Variants in PHACTR1 observed in about 807,000 individuals in gnomAD.
The protein encoded by PHACTR1 is phosphatase and actin regulator 1.
A neutral mutation model predicts 69.2 loss-of-function variants in PHACTR1; 16 were observed. That is an observed-to-expected ratio of 0.23 (90% confidence interval 0.16 to 0.35). The LOEUF (loss-of-function observed/expected upper bound fraction) is 0.35. Ranked by LOEUF, PHACTR1 falls within the 10% of genes least tolerant of loss-of-function variation. PHACTR1 has a pLI of 1.00. For missense variants in PHACTR1, 510 were observed against 734.7 expected, an observed-to-expected ratio of 0.69 and a Z score of 3.54; for synonymous variants, 312 against 284.5, an observed-to-expected ratio of 1.10 and a Z score of -0.97.
intron 4 of PHACTR1, among the ~76,000 whole-genome samples, chr6:12,955,613 G>A (rs1442113606): frequency 6.6e-6 from 1 of 152,098 alleles, no homozygotes; most frequent in African/African-American, 2.4e-5. Flanking sequence ...TCCCATTACT[G>A]ATGAATGTCT....
chr6:12,941,893 T>C (rs1419220348), intron 4 of PHACTR1, among the ~76,000 whole-genome samples: 1 of 152,108 alleles, frequency 6.6e-6, no homozygotes, highest in Non-Finnish European at 1.5e-5. Context: ...ACATCATGAG[T>C]GGACCTGAAT....
intron 5 of PHACTR1, among the ~76,000 whole-genome samples, chr6:13,132,186 G>A (rs1820572819): frequency 6.6e-6 from 1 of 152,206 alleles, no homozygotes; most frequent in South Asian, 2.1e-4. Flanking sequence ...CTCAGTGGGA[G>A]AACTGGTTGA....
At chr6:13,187,484 T>G (rs1158419732) in intron 7 of PHACTR1, among the ~76,000 whole-genome samples, 1 of 152,194 alleles carries the variant, frequency 6.6e-6, no homozygotes, top group African/African-American at 2.4e-5. Flanking sequence ...AGCTTCATTC[T>G]GAAGTATACT....
At chr6:13,139,974 TC>T (rs1163734091) in intron 5 of PHACTR1, among the ~76,000 whole-genome samples, 2 of 152,218 alleles carry the variant, frequency 1.3e-5, no homozygotes, top group African/African-American at 4.8e-5. Flanking sequence ...TATTATTGTT[TC>T]TGTGCTCTGA....
intron 4 of PHACTR1, among the ~76,000 whole-genome samples, chr6:13,025,399 G>C (rs1307619865): frequency 6.6e-6 from 1 of 152,202 alleles, no homozygotes. Context: ...ATAAAAGGGA[G>C]ATTGCTCTGG....
At chr6:12,989,484 C>T (rs577603167) in intron 4 of PHACTR1, among the ~76,000 whole-genome samples, 5 of 152,298 alleles carry the variant, frequency 3.3e-5, no homozygotes, top group Admixed American at 2.6e-4. Context: ...GGGTTTGTTG[C>T]TCATTCCAAT....
Position 13,206,120 on chromosome 6 carries a change from A to G in PHACTR1, c.970A>G (p.Met324Val). The change falls in exon 8 of 15, where the codon ATG becomes GTG. Residue 324 changes from methionine (M) to valine (V), a missense_variant. Around this residue, in one of 2 missense-constraint regions of PHACTR1, gnomAD observed 419 missense variants for 530.9 expected, o/e 0.79. Transcript: ENST00000332995. Reference protein sequence around the residue: ...DELNKTLAMTMQRLESSEQRV... With the variant: ...DELNKTLAMTVQRLESSEQRV... ...GCTCAACAAAACGCTGGCCATGACC[A>G]TGCAGAGGCTGGAAAGGTAAAGGTG... The G allele has an allele frequency of 1.9e-6, 3 of 1,599,726 alleles. No homozygotes were observed. The highest frequency in any genetic ancestry group is 2.2e-5 in the South Asian group (2 of 89,590).
intron 4 of PHACTR1, among the ~76,000 whole-genome samples, chr6:12,851,745 T>A (rs1290504026): frequency 6.6e-6 from 1 of 152,200 alleles, no homozygotes; most frequent in Non-Finnish European, 1.5e-5. Flanking sequence ...CAATCAGGCA[T>A]TGCTCTGCCG....
At chr6:12,896,968 A>G (rs1304531935) in intron 4 of PHACTR1, among the ~76,000 whole-genome samples, 1 of 152,170 alleles carries the variant, frequency 6.6e-6, no homozygotes, top group Non-Finnish European at 1.5e-5. Context: ...AGCTCCCAGT[A>G]TGCCTTCTTG....
intron 10 of PHACTR1, among the ~76,000 whole-genome samples, chr6:13,243,474 G>T (rs1166741617): frequency 6.6e-6 from 1 of 152,016 alleles, no homozygotes; most frequent in African/African-American, 2.4e-5. Context: ...TGATTTTACT[G>T]CAGGGAATAT....
At chr6:13,132,728 CTAA>C (rs1561875282) in intron 5 of PHACTR1, among the ~76,000 whole-genome samples, 77 of 148,424 alleles carry the variant, frequency 5.2e-4, no homozygotes, top group African/African-American at 1.8e-3. Context: ...TACCGTATTG[CTAA>C]AAAAAAAAAA....
At chr6:13,263,813 G>T (rs921842107) in intron 10 of PHACTR1, among the ~76,000 whole-genome samples, 1 of 152,200 alleles carries the variant, frequency 6.6e-6, no homozygotes, top group African/African-American at 2.4e-5. Flanking sequence ...TTGATTCTTG[G>T]AGTTAGCAGC....
chr6:12,930,623 G>A (rs936567600), intron 4 of PHACTR1, among the ~76,000 whole-genome samples: 2 of 152,212 alleles, frequency 1.3e-5, no homozygotes, highest in African/African-American at 2.4e-5. Context: ...GGTTGGAAGG[G>A]CTGGAAATAA....
chr6:12,967,247 T>C (rs1793613750), intron 4 of PHACTR1, among the ~76,000 whole-genome samples: 1 of 152,192 alleles, frequency 6.6e-6, no homozygotes, highest in African/African-American at 2.4e-5. Context: ...CCTTCCTTGT[T>C]TCTCAAATGG....
intron 5 of PHACTR1, among the ~76,000 whole-genome samples, chr6:13,130,076 A>T (rs999256796): frequency 6.6e-6 from 1 of 152,200 alleles, no homozygotes; most frequent in Non-Finnish European, 1.5e-5. Flanking sequence ...AATGAAATCA[A>T]GATGGAAATT....
At chr6:13,062,169 T>G (rs1807779983) in intron 5 of PHACTR1, among the ~76,000 whole-genome samples, 1 of 152,218 alleles carries the variant, frequency 6.6e-6, no homozygotes, top group Non-Finnish European at 1.5e-5. Context: ...GCTTTTGCCC[T>G]GTATTTTATT....
At chr6:12,926,519 G>A (rs1256970056) in intron 4 of PHACTR1, among the ~76,000 whole-genome samples, 1 of 152,102 alleles carries the variant, frequency 6.6e-6, no homozygotes, top group Non-Finnish European at 1.5e-5. Flanking sequence ...CCCAACTTGT[G>A]TTACTTGTCC....
At chr6:12,930,237 G>A (rs1788719982) in intron 4 of PHACTR1, among the ~76,000 whole-genome samples, 1 of 152,038 alleles carries the variant, frequency 6.6e-6, no homozygotes, top group African/African-American at 2.4e-5. Context: ...TGGAGACGGG[G>A]TCTTGCTCTA....
chr6:13,198,805 T>G (rs1764788680), intron 7 of PHACTR1, among the ~76,000 whole-genome samples: 3 of 152,218 alleles, frequency 2.0e-5, no homozygotes, highest in African/African-American at 7.2e-5. Context: ...TCAAAGAGAT[T>G]AAGCAATTTG....
Sources: allele counts gnomAD v4.1 joint callset (sites outside exome capture counted in the v4.1 genomes callset), GRCh38; gene constraint gnomAD v4.1.1; regional missense constraint gnomAD v4.1.1; transcripts MANE v1.5; gene names NCBI Gene and HGNC (gene_info 2026-07-23, HGNC 2026-07-21).